The following ARPP21 variants were observed in gnomAD, a reference collection of about 807,000 sequenced individuals.
ARPP21 encodes the protein cAMP regulated phosphoprotein 21.
A neutral mutation model predicts 113.2 loss-of-function variants in ARPP21; 69 were observed. That is an observed-to-expected ratio of 0.61 (90% CI 0.50 to 0.74). The LOEUF (loss-of-function observed/expected upper bound fraction) is 0.74, where lower values mean the gene tolerates loss of function less well. Ranked by LOEUF, ARPP21 falls within the 30% of genes least tolerant of loss-of-function variation. The pLI, the probability that ARPP21 is intolerant of heterozygous loss-of-function variation, is 0.00. For missense variants in ARPP21, 1,070 were observed against 1,037.4 expected (o/e 1.03, Z -0.43); for synonymous variants, 368 against 375.5 (o/e 0.98, Z 0.23).
At chr3:35,744,054 C>A in intron 19 of ARPP21, 89 bp downstream of exon 19, 2 of 1,368,024 alleles carry the variant, frequency 1.5e-6, no homozygotes, top group Non-Finnish European at 1.0e-6. Context: ...CCAAGCTTGG[C>A]AATTTAAACC....
chr3:35,745,901 A>G (rs1175072898), intron 19 of ARPP21, among the ~76,000 whole-genome samples: 2 of 152,042 alleles, frequency 1.3e-5, no homozygotes, highest in Non-Finnish European at 2.9e-5. Flanking sequence ...TCACCGCAAA[A>G]ATGACCCTCC....
Position 35,737,239 on chromosome 3 carries a change from GC to G in ARPP21, c.1525del (p.Leu509CysfsTer75). Reference sequence around the variant, plus strand: ...TATACAACCCACCCACCAGTCAGCAGCCCCTGCGAAGCGCCATGGTGGGGCA... The same window carrying G: ...TATACAACCCACCCACCAGTCAGCAGCCCTGCGAAGCGCCATGGTGGGGCA... ...AIYNPPTSQQ[P>X]LRSAMVGQSQ... On this transcript the variant is annotated frameshift_variant, in exon 16 of 21. Coordinates refer to ENST00000684406, the MANE Select transcript of ARPP21 (RefSeq NM_001385562.1). LOFTEE classifies it high-confidence loss of function. 1 of 1,613,150 alleles carries G rather than the reference GC, an allele frequency of 6.2e-7. No homozygotes were observed. The highest frequency in any genetic ancestry group is 8.5e-7 in the Non-Finnish European group (1 of 1,179,444).
At chr3:35,687,352 T>C (rs923404260) in intron 5 of ARPP21, among the ~76,000 whole-genome samples, 3 of 151,106 alleles carry the variant, frequency 2.0e-5, no homozygotes, top group Admixed American at 6.6e-5. Flanking sequence ...TAAGGAATTA[T>C]AGAATAGAAC....
At chr3:35,721,908 C>T (rs1042286276) in intron 14 of ARPP21, 74 bp downstream of exon 14, 1 of 911,566 alleles carries the variant, frequency 1.1e-6, no homozygotes, top group Non-Finnish European at 1.6e-6. Flanking sequence ...TCACCATTCC[C>T]TCTGACTTTC....
chr3:35,747,024 A>T (rs1366300079), intron 19 of ARPP21, among the ~76,000 whole-genome samples: 1 of 152,130 alleles, frequency 6.6e-6, no homozygotes, highest in African/African-American at 2.4e-5. Context: ...GTGGAAGAGG[A>T]AGCCTATGTT....
chr3:35,687,677 A>C, intron 5 of ARPP21, 62 bp from the exon 6 acceptor site: 1 of 1,488,002 alleles, frequency 6.7e-7, no homozygotes. Flanking sequence ...CTCTATGCAA[A>C]ATGGGAGCCA....
intron 9 of ARPP21, among the ~76,000 whole-genome samples, chr3:35,695,978 C>G (rs980388468): frequency 6.6e-6 from 1 of 151,470 alleles, no homozygotes; most frequent in Non-Finnish European, 1.5e-5. Flanking sequence ...GACCTCAAAT[C>G]CAGGAGACTT....
intron 13 of ARPP21, among the ~76,000 whole-genome samples, chr3:35,719,333 C>T (rs934127529): frequency 6.6e-6 from 1 of 152,174 alleles, no homozygotes; most frequent in African/African-American, 2.4e-5. Context: ...TTAATGCTAA[C>T]TCCCTAAAGC....
intron 13 of ARPP21, among the ~76,000 whole-genome samples, chr3:35,719,043 G>A (rs888691685): frequency 6.6e-6 from 1 of 152,028 alleles, no homozygotes; most frequent in Non-Finnish European, 1.5e-5. Flanking sequence ...TTACAAGAGG[G>A]CAAGCTCCAA....
intron 5 of ARPP21, chr3:35,684,409 T>A (rs1559607342): frequency 1.0e-6 from 1 of 976,678 alleles, no homozygotes; most frequent in Non-Finnish European, 1.2e-6. Context: ...TTACCCTTAT[T>A]TTTGCTCCTT....
At position 35,709,027 on chromosome 3, in the gene ARPP21, A is replaced by G. The variant is rs745693655; in HGVS notation, c.854A>G (p.Glu285Gly). The change falls in exon 11 of 21, where the codon GAA becomes GGA. Residue 285 changes from glutamate (E) to glycine (G), a missense_variant. Transcript: ENST00000684406. ...DRRSKSIEER[E>G]EEYQRVRERI... ...CGAAGTAAATCAATTGAAGAGAGAG[A>G]AGAGGAATATCAGAGAGTGAGGGAG... 8.1e-6 allele frequency: 13 copies of G among 1,613,768 alleles called. No homozygotes were observed. The highest frequency in any genetic ancestry group is 1.1e-5 in the Non-Finnish European group (13 of 1,179,792).
intron 19 of ARPP21, among the ~76,000 whole-genome samples, chr3:35,755,405 C>CT (rs530494129): frequency 1.6e-3 from 239 of 152,122 alleles, no homozygotes; most frequent in African/African-American, 5.5e-3. Flanking sequence ...TCTTTATACT[C>CT]TTTTTTTCTT....
At chr3:35,667,967 AAGAAG>A (rs1559549245) in intron 1 of ARPP21, among the ~76,000 whole-genome samples, 5 of 107,462 alleles carry the variant, frequency 4.7e-5, no homozygotes, top group African/African-American at 1.8e-4. Flanking sequence ...GAAGAAGAAG[AAGAAG>A]AAGAAGAAGA....
chr3:35,769,966 T>C (rs1010967404), intron 19 of ARPP21, among the ~76,000 whole-genome samples: 3 of 152,186 alleles, frequency 2.0e-5, no homozygotes, highest in Admixed American at 1.3e-4. Flanking sequence ...TGGGAGTATG[T>C]AGCGACGAAG....
intron 9 of ARPP21, among the ~76,000 whole-genome samples, chr3:35,698,239 T>G (rs2084836879): frequency 6.6e-6 from 1 of 151,660 alleles, no homozygotes; most frequent in Non-Finnish European, 1.5e-5. Context: ...TTCTCCATAT[T>G]ATTATTCTCA....
At chr3:35,780,558 C>T (rs894047886) in intron 19 of ARPP21, among the ~76,000 whole-genome samples, 1 of 151,922 alleles carries the variant, frequency 6.6e-6, no homozygotes, top group African/African-American at 2.4e-5. Flanking sequence ...TTGCCAGATC[C>T]CACTACTTAC....
intron 5 of ARPP21, among the ~76,000 whole-genome samples, chr3:35,687,371 A>C (rs1370703524): frequency 6.7e-6 from 1 of 149,136 alleles, no homozygotes; most frequent in African/African-American, 2.5e-5. Flanking sequence ...ACTACGGAGG[A>C]CTTTTTTTTT....
chr3:35,728,129 C>T (rs2093668170), intron 14 of ARPP21, among the ~76,000 whole-genome samples: 1 of 144,830 alleles, frequency 6.9e-6, no homozygotes, highest in South Asian at 2.2e-4. Flanking sequence ...AATGCAGTAC[C>T]ATAAACACTT....
chr3:35,754,880 G>A (rs1206146657), intron 19 of ARPP21, among the ~76,000 whole-genome samples: 1 of 151,936 alleles, frequency 6.6e-6, no homozygotes, highest in Non-Finnish European at 1.5e-5. Context: ...ACAAATTATA[G>A]CATTATCTGT....
Sources: gnomAD v4.1 joint callset for allele counts (sites outside exome capture counted in the v4.1 genomes callset) on GRCh38, gnomAD v4.1.1 for gene constraint, MANE v1.5 for transcripts, NCBI Gene and HGNC (gene_info 2026-07-23, HGNC 2026-07-21) for gene names.